TAS2R1: variants seen among roughly 807,000 people sequenced by gnomAD.
The protein encoded by TAS2R1 is taste 2 receptor member 1.
For synonymous variants in TAS2R1, 141 were observed against 134.2 expected, an observed-to-expected ratio of 1.05 and a Z score of -0.35; for missense variants, 370 against 353.4, an observed-to-expected ratio of 1.05 and a Z score of -0.38.
chr5:9,714,147 A>T (rs1734759645), upstream of TAS2R1: 1 of 152,208 alleles, frequency 6.6e-6, no homozygotes, highest in Non-Finnish European at 1.5e-5. Context: ...ACATCCACTG[A>T]GACACCAGAA....
chr5:9,740,921 G>C, the TAS2R1 span, among the ~76,000 whole-genome samples: 1 of 152,138 alleles, frequency 6.6e-6, no homozygotes, highest in Non-Finnish European at 1.5e-5. Flanking sequence ...TGAGTAATTA[G>C]TTCTTTTGAT....
chr5:9,705,346 T>C (rs1331964769), intron 1 of TAS2R1, among the ~76,000 whole-genome samples: 1 of 152,252 alleles, frequency 6.6e-6, no homozygotes, highest in Admixed American at 6.5e-5. Context: ...CTTTAAGTTA[T>C]ATCTTGTGAG....
the TAS2R1 span, among the ~76,000 whole-genome samples, chr5:9,857,356 A>G: frequency 6.6e-6 from 1 of 152,224 alleles, no homozygotes; most frequent in African/African-American, 2.4e-5. Flanking sequence ...TGGATATCTC[A>G]ATTACCCTGA....
chr5:9,776,771 G>A, the TAS2R1 span, among the ~76,000 whole-genome samples: 7 of 152,104 alleles, frequency 4.6e-5, no homozygotes, highest in Admixed American at 3.3e-4. Flanking sequence ...TCTTACAGTC[G>A]TCTATGTTGA....
the TAS2R1 span, among the ~76,000 whole-genome samples, chr5:9,892,615 A>AC: frequency 3.9e-5 from 6 of 151,992 alleles, no homozygotes; most frequent in Non-Finnish European, 7.4e-5. Flanking sequence ...AAGACTGAGA[A>AC]CCAGTTATCT....
At chr5:9,675,970 A>T (rs1349345271) in intron 1 of TAS2R1, among the ~76,000 whole-genome samples, 1 of 152,132 alleles carries the variant, frequency 6.6e-6, no homozygotes, top group Admixed American at 6.6e-5. Flanking sequence ...TCACCATTGA[A>T]TATGATATTA....
At chr5:9,840,857 A>ATTTATTTTT in the TAS2R1 span, among the ~76,000 whole-genome samples, 2 of 132,076 alleles carry the variant, frequency 1.5e-5, no homozygotes, top group African/African-American at 5.6e-5. Flanking sequence ...TTATTTATTT[A>ATTTATTTTT]TTTTTTTTTT....
At chr5:9,848,523 A>T in the TAS2R1 span, among the ~76,000 whole-genome samples, 1 of 152,228 alleles carries the variant, frequency 6.6e-6, no homozygotes, top group Non-Finnish European at 1.5e-5. Flanking sequence ...CATCTATTGT[A>T]CAGCAGAATG....
At chr5:9,655,611 G>A (rs959242713) in intron 2 of TAS2R1, among the ~76,000 whole-genome samples, 1 of 152,138 alleles carries the variant, frequency 6.6e-6, no homozygotes. Flanking sequence ...TTTTAAATGT[G>A]TGATGGGCCA....
intron 1 of TAS2R1, among the ~76,000 whole-genome samples, chr5:9,661,800 A>C (rs1354577995): frequency 6.6e-6 from 1 of 152,232 alleles, no homozygotes; most frequent in Non-Finnish European, 1.5e-5. Flanking sequence ...ACACAGATTT[A>C]TACTACATAT....
chr5:9,753,801 G>T, the TAS2R1 span, among the ~76,000 whole-genome samples: 1 of 152,192 alleles, frequency 6.6e-6, no homozygotes. Context: ...TTATTAAATA[G>T]GGAATCGTTT....
At chr5:9,691,805 A>C (rs1741253761) in intron 1 of TAS2R1, among the ~76,000 whole-genome samples, 2 of 152,136 alleles carry the variant, frequency 1.3e-5, no homozygotes, top group Non-Finnish European at 2.9e-5. Context: ...ATAAATAGGA[A>C]CTTACATGAA....
chr5:9,675,172 C>A (rs1561375734), intron 1 of TAS2R1, among the ~76,000 whole-genome samples: 1 of 149,176 alleles, frequency 6.7e-6, no homozygotes, highest in Admixed American at 6.7e-5. Context: ...TGAAATAAAT[C>A]AAAGAAGATC....
At chr5:9,767,655 C>T in the TAS2R1 span, among the ~76,000 whole-genome samples, 7 of 152,042 alleles carry the variant, frequency 4.6e-5, no homozygotes, top group Non-Finnish European at 7.4e-5. Context: ...TCAGGTGGGG[C>T]GTGGTGTCTC....
At chr5:9,649,924 CCTGT>C (rs746238270) in intron 2 of TAS2R1, among the ~76,000 whole-genome samples, 72 of 152,220 alleles carry the variant, frequency 4.7e-4, no homozygotes, top group East Asian at 1.5e-3. Flanking sequence ...AACAAATGTG[CCTGT>C]CTATTTTAAA....
At chr5:9,896,348 T>C in the TAS2R1 span, among the ~76,000 whole-genome samples, 1 of 152,204 alleles carries the variant, frequency 6.6e-6, no homozygotes, top group Admixed American at 6.5e-5. Flanking sequence ...GCATTTGAGG[T>C]TACAGGAGAA....
At chr5:9,902,087 C>A in the TAS2R1 span, among the ~76,000 whole-genome samples, 1 of 152,052 alleles carries the variant, frequency 6.6e-6, no homozygotes, top group African/African-American at 2.4e-5. Context: ...ACAGTTGACA[C>A]CTGGGGTAAG....
chr5:9,835,168 G>T, the TAS2R1 span, among the ~76,000 whole-genome samples: 2 of 152,176 alleles, frequency 1.3e-5, no homozygotes. Flanking sequence ...GCCAGCACAT[G>T]GCAGCATCTG....
At chr5:9,858,544 A>G in the TAS2R1 span, among the ~76,000 whole-genome samples, 1 of 152,244 alleles carries the variant, frequency 6.6e-6, no homozygotes, top group Non-Finnish European at 1.5e-5. Context: ...AAAAGAACAC[A>G]TTGATATGAT....
Sources: allele counts gnomAD v4.1 joint callset (sites outside exome capture counted in the v4.1 genomes callset), GRCh38; gene constraint gnomAD v4.1.1; transcripts MANE v1.5; gene names NCBI Gene and HGNC (gene_info 2026-07-23, HGNC 2026-07-21).